SULT1B1: variants seen among roughly 807,000 people sequenced by gnomAD.
SULT1B1 encodes the protein sulfotransferase 1B1.
SULT1B1 carries 28 observed loss-of-function variants against 34.6 expected under a neutral mutation model. That is an observed-to-expected ratio of 0.81 (90% CI 0.60 to 1.11). SULT1B1 has a LOEUF of 1.11. SULT1B1 is among the 50% of genes least tolerant of loss of function. The probability of loss-of-function intolerance (pLI) is 0.00; values close to 1 mark genes in which losing one functional copy is unlikely to be tolerated. For missense variants in SULT1B1, 374 were observed against 352.2 expected (o/e 1.06, Z -0.50); for synonymous variants, 147 against 110.2 (o/e 1.33, Z -2.09).
Position 69,726,030 on chromosome 4 carries a change from GTACATATATA to G in SULT1B1, c.*1048_*1057del, listed in dbSNP as rs1560517554. 2 of 42,064 alleles carry G rather than the reference GTACATATATA, an allele frequency of 4.8e-5. No individual in the cohort carries two copies. The highest frequency in any genetic ancestry group is 1.7e-3 in the South Asian group (2 of 1,174). The allele number at this position is 42,064 out of a possible 1,614,324, so 2.6% of individuals were successfully genotyped here. A position where few individuals can be genotyped will look rare whatever the true frequency, so the allele number is the denominator to read the frequency against. On this transcript the variant is annotated 3_prime_UTR_variant, in exon 8 of 8. Transcript: ENST00000310613. Reference sequence around the variant, plus strand: ...GGAACTTAAAGTATAATAATAAAATGTACATATATATATATATATATATATATATATATAT... The same window carrying G: ...GGAACTTAAAGTATAATAATAAAATGTATATATATATATATATATATATAT...
chr4:69,726,074 ATATATAT>A lies in SULT1B1; in HGVS notation c.*1007_*1013del, dbSNP rs1342221796. 5.6e-5 allele frequency: 7 copies of A among 124,416 alleles called. No individual in the cohort carries two copies. Among genetic ancestry groups the A allele is most frequent in the African/African-American group, 2.2e-4 (7 of 32,516 alleles). The allele number at this position is 124,416 out of a possible 1,614,324, so 7.7% of individuals were successfully genotyped here. ...TATATATATATATATATATATATAT[ATATATAT>A]AAATGTTCCAAGAAAACATAGATCA... On this transcript the variant is annotated 3_prime_UTR_variant, in exon 8 of 8. Transcript: ENST00000310613.
chr4:69,723,578 A>G lies in SULT1B1; in HGVS notation c.*3510T>C, dbSNP rs1451541015. The stretch of plus-strand genomic sequence containing the variant: ...CCTGGCAGAGACACAACAAAAAAAG[A>G]GAATTTTAGACCAATAACCCTGATG... On this transcript the variant is annotated 3_prime_UTR_variant, in exon 8 of 8. Coordinates refer to ENST00000310613, the MANE Select transcript of SULT1B1 (RefSeq NM_014465.4). The G allele has an allele frequency of 6.6e-6, 1 of 152,244 alleles. No individual in the cohort carries two copies. The highest frequency in any genetic ancestry group is 1.5e-5 in the Non-Finnish European group (1 of 68,074). The allele number at this position is 152,244 out of a possible 1,614,324, so 9.4% of individuals were successfully genotyped here. A position where few individuals can be genotyped will look rare whatever the true frequency, so the allele number is the denominator to read the frequency against.
intron 7 of SULT1B1, among the ~76,000 whole-genome samples, chr4:69,728,667 A>AGAAT (rs1227390822): frequency 4.0e-5 from 6 of 151,746 alleles, no homozygotes; most frequent in South Asian, 4.1e-4. Flanking sequence ...GAAGAATGGA[A>AGAAT]GGAAGGAAGG....
chr4:69,754,649 T>C, intron 3 of SULT1B1, 21 bp downstream of exon 3: 1 of 1,609,098 alleles, frequency 6.2e-7, no homozygotes, highest in Non-Finnish European at 8.5e-7. Context: ...AAAATAATAA[T>C]TCCAAGTGGG....
rs1163162337 is a variant in SULT1B1, at chr4:69,723,199, G to A, written c.*3889C>T. 8 of 151,988 alleles carry A rather than the reference G, an allele frequency of 5.3e-5. No individual in the cohort carries two copies. In the East Asian group the frequency reaches 7.8e-4, roughly 15 times the overall value. The allele number at this position is 151,988 out of a possible 1,614,324, so 9.4% of individuals were successfully genotyped here. On this transcript the variant is annotated 3_prime_UTR_variant, in exon 8 of 8. Coordinates refer to ENST00000310613, the MANE Select transcript of SULT1B1 (RefSeq NM_014465.4). ...AAAAGATAAAGGGGATATCACCACCGATGATCCCACAGAAATACAAACTAC... is the reference window on the plus strand; with the variant it reads ...AAAAGATAAAGGGGATATCACCACCAATGATCCCACAGAAATACAAACTAC...
At chr4:69,750,523 T>C (rs1219987256) in intron 3 of SULT1B1, among the ~76,000 whole-genome samples, 2 of 152,164 alleles carry the variant, frequency 1.3e-5, no homozygotes, top group Admixed American at 1.3e-4. Context: ...GTCTAAACTC[T>C]AGAATACCTG....
Position 69,723,947 on chromosome 4 carries a change from C to A in SULT1B1, c.*3141G>T, listed in dbSNP as rs1578040683. On this transcript the variant is annotated 3_prime_UTR_variant, in exon 8 of 8. Coordinates refer to ENST00000310613, the MANE Select transcript of SULT1B1 (RefSeq NM_014465.4). ...TGCATGGGCAAAACCTGGAAGCATT[C>A]CCTTTGAAAACTGGCACAAGACAGG... The A allele has an allele frequency of 6.6e-6, 1 of 152,294 alleles. No homozygotes were observed. The highest frequency in any genetic ancestry group is 2.1e-4 in the South Asian group (1 of 4,834). 9.4% of individuals were successfully genotyped at this position (152,294 alleles called of 1,614,324 possible).
intron 4 of SULT1B1, among the ~76,000 whole-genome samples, chr4:69,737,051 C>T: frequency 6.6e-6 from 1 of 151,484 alleles, no homozygotes; most frequent in East Asian, 1.9e-4. Context: ...CAAGAAACAT[C>T]ATAAAAGTAC....
At chr4:69,743,686 C>T (rs908004232) in intron 4 of SULT1B1, among the ~76,000 whole-genome samples, 1 of 152,180 alleles carries the variant, frequency 6.6e-6, no homozygotes, top group African/African-American at 2.4e-5. Context: ...GTTCTGGGTG[C>T]CCAAAGTCCA....
intron 4 of SULT1B1, among the ~76,000 whole-genome samples, chr4:69,743,207 G>A (rs1035004378): frequency 6.6e-6 from 1 of 152,188 alleles, no homozygotes; most frequent in Non-Finnish European, 1.5e-5. Context: ...CATTCAGGAA[G>A]ACTGAGGTAT....
intron 6 of SULT1B1, among the ~76,000 whole-genome samples, chr4:69,732,106 A>G (rs921776377): frequency 6.6e-6 from 1 of 152,220 alleles, no homozygotes; most frequent in Non-Finnish European, 1.5e-5. Flanking sequence ...CTCTCAAGAG[A>G]CATATCACTT....
In SULT1B1 at chr4:69,724,353, T is replaced by A. The variant is rs1295301512; in HGVS notation, c.*2735A>T. The A allele has an allele frequency of 2.0e-5, 3 of 152,134 alleles. No individual in the cohort carries two copies. The highest frequency in any genetic ancestry group is 7.2e-5 in the African/African-American group (3 of 41,418). 9.4% of individuals were successfully genotyped at this position (152,134 alleles called of 1,614,324 possible). A position where few individuals can be genotyped will look rare whatever the true frequency, so the allele number is the denominator to read the frequency against. On this transcript the variant is annotated 3_prime_UTR_variant, in exon 8 of 8. Coordinates refer to ENST00000310613, the MANE Select transcript of SULT1B1 (RefSeq NM_014465.4). ...CACTTCAAGGAGAACTACAAACCACTGCTCAATGAAATAAAAGAGGATACA... is the reference window on the plus strand; with the variant it reads ...CACTTCAAGGAGAACTACAAACCACAGCTCAATGAAATAAAAGAGGATACA...
chr4:69,758,146 T>C (rs935569634), intron 1 of SULT1B1, among the ~76,000 whole-genome samples: 1 of 152,148 alleles, frequency 6.6e-6, no homozygotes, highest in South Asian at 2.1e-4. Flanking sequence ...TGTTAGCAGC[T>C]CAAGAAAGGA....
chr4:69,759,782 T>C (rs1415540390), intron 1 of SULT1B1, among the ~76,000 whole-genome samples: 1 of 152,222 alleles, frequency 6.6e-6, no homozygotes, highest in East Asian at 1.9e-4. Flanking sequence ...ACAGGCTATT[T>C]AAAGTAGTTG....
chr4:69,729,030 T>C (rs1717955703), intron 7 of SULT1B1, among the ~76,000 whole-genome samples: 1 of 152,056 alleles, frequency 6.6e-6, no homozygotes, highest in Admixed American at 6.6e-5. Flanking sequence ...GAGCTTGTCT[T>C]CTTTATGTCT....
intron 1 of SULT1B1, chr4:69,758,405 T>C: frequency 1.0e-6 from 1 of 985,320 alleles, no homozygotes; most frequent in Non-Finnish European, 1.2e-6. Flanking sequence ...ATGTTAGACT[T>C]GATTTCCACA....
chr4:69,724,563 A>G lies in SULT1B1; in HGVS notation c.*2525T>C, dbSNP rs1163390327. On this transcript the variant is annotated 3_prime_UTR_variant, in exon 8 of 8. Coordinates refer to ENST00000310613, the MANE Select transcript of SULT1B1 (RefSeq NM_014465.4). ...AACCAAAAAAGAGCCCGCATTGCCA[A>G]GTCAATCCTAAGCCAAAAGAGCAAA... is the stretch of plus-strand genomic sequence containing the variant. 1 of 152,218 alleles carries G rather than the reference A, an allele frequency of 6.6e-6. No homozygotes were observed. The highest frequency in any genetic ancestry group is 1.9e-4 in the East Asian group (1 of 5,196). 9.4% of individuals were successfully genotyped at this position (152,218 alleles called of 1,614,324 possible). A position where few individuals can be genotyped will look rare whatever the true frequency, so the allele number is the denominator to read the frequency against.
At chr4:69,736,130 C>G (rs933546521) in intron 4 of SULT1B1, among the ~76,000 whole-genome samples, 2 of 152,168 alleles carry the variant, frequency 1.3e-5, no homozygotes, top group Non-Finnish European at 2.9e-5. Flanking sequence ...CTGAACTCAG[C>G]TGACAGCCTT....
intron 4 of SULT1B1, among the ~76,000 whole-genome samples, chr4:69,749,060 TAAAACGAAAAA>T (rs1718867621): frequency 6.6e-6 from 1 of 151,620 alleles, no homozygotes; most frequent in African/African-American, 2.4e-5. Context: ...AAATAATTGA[TAAAACGAAAAA>T]CTAGCTTTAA....
Sources: gnomAD v4.1 joint callset for allele counts (sites outside exome capture counted in the v4.1 genomes callset) on GRCh38, gnomAD v4.1.1 for gene constraint, MANE v1.5 for transcripts, NCBI Gene and HGNC (gene_info 2026-07-23, HGNC 2026-07-21) for gene names.